MTUS2: variants seen among roughly 807,000 people sequenced by gnomAD.
MTUS2 encodes microtubule associated scaffold protein 2, also known as microtubule-associated tumor suppressor candidate 2.
MTUS2 carries 40 observed loss-of-function variants against 114.1 expected under a neutral mutation model. The observed-to-expected ratio is 0.35, with a 90% CI of 0.27 to 0.46. The LOEUF is 0.46. Among genes scored for constraint, MTUS2 ranks in the 20% least tolerant of loss-of-function variants. MTUS2 has a pLI of 1.00. For synonymous variants in MTUS2, 688 were observed against 672.0 expected (o/e 1.02, Z -0.37); for missense variants, 1,679 against 1,705.4 (o/e 0.98, Z 0.27).
At chr13:28,845,673 A>T (rs1351775570) in intron 2 of MTUS2, among the ~76,000 whole-genome samples, 2 of 147,148 alleles carry the variant, frequency 1.4e-5, no homozygotes, top group African/African-American at 5.2e-5. Context: ...TTTTTTTTTT[A>T]ACCTAGACAA....
intron 5 of MTUS2, among the ~76,000 whole-genome samples, chr13:29,164,509 G>A (rs911736524): frequency 1.3e-5 from 2 of 152,280 alleles, no homozygotes; most frequent in African/African-American, 4.8e-5. Context: ...TTAAAGATTG[G>A]TTATTGACAG....
intron 2 of MTUS2, among the ~76,000 whole-genome samples, chr13:28,878,948 A>G (rs1878124812): frequency 6.6e-6 from 1 of 152,180 alleles, no homozygotes; most frequent in East Asian, 1.9e-4. Context: ...TCTCACTAAC[A>G]GTGTAAAAGC....
At chr13:29,260,272 T>A (rs762261050) in intron 5 of MTUS2, among the ~76,000 whole-genome samples, 4 of 152,192 alleles carry the variant, frequency 2.6e-5, no homozygotes, top group Non-Finnish European at 4.4e-5. Context: ...TTCAAGATAT[T>A]TTTTCTTTGG....
chr13:28,890,847 A>G (rs1405745063), intron 2 of MTUS2, among the ~76,000 whole-genome samples: 1 of 152,108 alleles, frequency 6.6e-6, no homozygotes, highest in Non-Finnish European at 1.5e-5. Flanking sequence ...CAGGGATTCC[A>G]CTTCATTTGA....
rs148838716 is a variant in MTUS2 at position 28,878,938 on chromosome 13, TCTCA to T, written c.-243+39091_-243+39094del. 3.6e-3 allele frequency among the ~76,000 whole-genome samples: 546 copies of T among 152,340 alleles called. 5 individuals are homozygous for T. The highest frequency in any genetic ancestry group is 0.013 in the African/African-American group (535 of 41,582). The stretch of plus-strand genomic sequence containing the variant: ...TCTGCAATGGTTGAACTACTTACAC[TCTCA>T]CTAACAGTGTAAAAGCATTTCTTTT... On this transcript the variant is annotated intron_variant, in intron 2 of 15. Transcript: ENST00000612955.
intron 6 of MTUS2, among the ~76,000 whole-genome samples, chr13:29,299,605 A>T (rs975895073): frequency 1.3e-5 from 2 of 152,186 alleles, no homozygotes; most frequent in African/African-American, 4.8e-5. Context: ...AACATAGTGC[A>T]CAGAAAACAT....
chr13:28,957,832 C>G (rs1593333008), intron 2 of MTUS2, among the ~76,000 whole-genome samples: 1 of 152,202 alleles, frequency 6.6e-6, no homozygotes, highest in African/African-American at 2.4e-5. Context: ...CTCAGAAGCA[C>G]AGATGTGCAT....
chr13:29,204,951 G>T (rs1286120094), intron 5 of MTUS2, among the ~76,000 whole-genome samples: 2 of 152,124 alleles, frequency 1.3e-5, no homozygotes, highest in Non-Finnish European at 2.9e-5. Flanking sequence ...ATGATCTGGG[G>T]GACCAGGGAA....
intron 6 of MTUS2, among the ~76,000 whole-genome samples, chr13:29,288,038 A>C (rs909161635): frequency 4.6e-5 from 7 of 152,252 alleles, no homozygotes; most frequent in African/African-American, 1.4e-4. Flanking sequence ...TAGTGACTAG[A>C]CTGAAGGCAA....
At chr13:29,093,676 A>G (rs956369752) in intron 4 of MTUS2, among the ~76,000 whole-genome samples, 1 of 152,192 alleles carries the variant, frequency 6.6e-6, no homozygotes, top group African/African-American at 2.4e-5. Flanking sequence ...GGGATTTTCT[A>G]TATATAAGAT....
In MTUS2 at chr13:29,026,406, G is replaced by A. The variant is rs769380548; in HGVS notation, c.1708G>A (p.Val570Ile). 6.2e-7 allele frequency: 1 copy of A among 1,613,842 alleles called. No individual in the cohort carries two copies. ...VFGMDAGSPLVVPPPTDSARL... is the reference protein window; with the variant it reads ...VFGMDAGSPLIVPPPTDSARL... ...CGGTATGGATGCGGGGTCCCCCTTG[G>A]TAGTTCCACCCCCTACTGATAGTGC... is the stretch of plus-strand genomic sequence containing the variant. Residue 570 changes from valine (V) to isoleucine (I), a missense_variant, in exon 3 of 16, where the codon GTA becomes ATA. Val to Ile is a conservative substitution (Grantham distance 29, BLOSUM62 3). Around this residue, in one of 3 missense-constraint regions of MTUS2, gnomAD observed 843 missense variants for 770.8 expected, o/e 1.09. Transcript: ENST00000612955.
rs1900401949 is a variant in MTUS2 at position 29,324,621 on chromosome 13, A to G, written c.2815A>G (p.Lys939Glu). The G allele has an allele frequency of 1.1e-5, 17 of 1,580,896 alleles. No homozygotes were observed. Among genetic ancestry groups the G allele is most frequent in the Non-Finnish European group, 1.5e-5 (17 of 1,162,046 alleles). Reference sequence around the variant, plus strand: ...TTTCCAACTATACACAGGAACAAAGAAAGATGCTCAGAAAGATCAAGATAC... The same window carrying G: ...TTTCCAACTATACACAGGAACAAAGGAAGATGCTCAGAAAGATCAAGATAC... ...KSTSTPAGTK[K>E]DAQKDQDTNK... Residue 939 changes from lysine to glutamate, a missense_variant, in exon 7 of 16, where the codon AAA becomes GAA. Physicochemically the swap from Lys to Glu is moderately conservative, Grantham distance 56 (BLOSUM62 1). Around this residue, in one of 3 missense-constraint regions of MTUS2, gnomAD observed 822 missense variants for 899.7 expected, o/e 0.91. Transcript: ENST00000612955.
intron 5 of MTUS2, among the ~76,000 whole-genome samples, chr13:29,190,130 T>C (rs556327989): frequency 4.6e-5 from 7 of 152,298 alleles, no homozygotes; most frequent in Admixed American, 3.3e-4. Context: ...GAGAAATAAA[T>C]GTCTATTGTT....
chr13:29,151,983 G>A (rs1177951030), intron 5 of MTUS2, among the ~76,000 whole-genome samples: 6 of 152,058 alleles, frequency 3.9e-5, no homozygotes, highest in African/African-American at 1.4e-4. Flanking sequence ...ATATTGGCCT[G>A]TAGTTTTCTT....
intron 8 of MTUS2, among the ~76,000 whole-genome samples, chr13:29,370,695 C>G (rs945001157): frequency 1.2e-4 from 19 of 152,170 alleles, no homozygotes; most frequent in African/African-American, 3.9e-4. Flanking sequence ...AATAAACTTC[C>G]TTCCTTTATG....
At chr13:28,887,286 C>CATGGCTGA (rs1878647079) in intron 2 of MTUS2, among the ~76,000 whole-genome samples, 3 of 152,146 alleles carry the variant, frequency 2.0e-5, no homozygotes, top group Non-Finnish European at 4.4e-5. Flanking sequence ...GCAGCTTTGA[C>CATGGCTGA]ATGGCTGACT....
At chr13:29,198,422 G>T (rs1894793208) in intron 5 of MTUS2, among the ~76,000 whole-genome samples, 1 of 152,118 alleles carries the variant, frequency 6.6e-6, no homozygotes, top group South Asian at 2.1e-4. Flanking sequence ...CTGTTCCATT[G>T]GTCTATATGT....
chr13:29,484,632 A>T (rs1469683489), intron 10 of MTUS2, among the ~76,000 whole-genome samples: 2 of 152,210 alleles, frequency 1.3e-5, no homozygotes, highest in Non-Finnish European at 2.9e-5. Context: ...TAAAAAGGAA[A>T]GTCATTAAGA....
intron 9 of MTUS2, among the ~76,000 whole-genome samples, chr13:29,449,355 A>C (rs913434419): frequency 6.6e-6 from 1 of 152,236 alleles, no homozygotes; most frequent in Non-Finnish European, 1.5e-5. Context: ...ACACACATAC[A>C]GTGGAAGGTA....
Sources: gnomAD v4.1 joint callset for allele counts (sites outside exome capture counted in the v4.1 genomes callset) on GRCh38, gnomAD v4.1.1 for gene constraint, gnomAD v4.1.1 regional missense constraint, MANE v1.5 for transcripts, NCBI Gene and HGNC (gene_info 2026-07-23, HGNC 2026-07-21) for gene names.